Variants in RIMS1 observed in about 807,000 individuals in gnomAD.
RIMS1 encodes regulating synaptic membrane exocytosis 1.
A neutral mutation model predicts 214.1 loss-of-function variants in RIMS1; 83 were observed. The observed-to-expected ratio is 0.39, with a 90% CI of 0.32 to 0.47. The LOEUF (loss-of-function observed/expected upper bound fraction) is 0.47. Ranked by LOEUF, RIMS1 falls within the 20% of genes least tolerant of loss-of-function variation. The probability of loss-of-function intolerance (pLI) is 0.99; values close to 1 mark genes in which losing one functional copy is unlikely to be tolerated. For missense variants in RIMS1, 2,050 were observed against 2,161.8 expected (o/e 0.95, Z 1.03); for synonymous variants, 793 against 786.8 (o/e 1.01, Z -0.13).
chr6:72,004,502 C>A (rs1341311082), intron 2 of RIMS1, among the ~76,000 whole-genome samples: 6 of 151,424 alleles, frequency 4.0e-5, no homozygotes, highest in African/African-American at 1.4e-4. Context: ...TAAAAGTGTT[C>A]CTATTTCTCC....
intron 2 of RIMS1, among the ~76,000 whole-genome samples, chr6:72,084,059 A>G (rs1417162350): frequency 6.6e-6 from 1 of 152,210 alleles, no homozygotes; most frequent in Non-Finnish European, 1.5e-5. Context: ...TGTGCATTCC[A>G]GAAGATGCAA....
At chr6:72,380,212 A>G (rs962821180) in intron 29 of RIMS1, among the ~76,000 whole-genome samples, 16 of 152,182 alleles carry the variant, frequency 1.1e-4, no homozygotes, top group African/African-American at 3.4e-4. Context: ...ACACTTGGAC[A>G]CAGGGTGGGG....
chr6:72,257,360 G>A (rs2076316481), intron 16 of RIMS1, among the ~76,000 whole-genome samples: 1 of 151,194 alleles, frequency 6.6e-6, no homozygotes, highest in Non-Finnish European at 1.5e-5. Flanking sequence ...TTTACTTCAG[G>A]GAAAAAGTGA....
At chr6:72,339,157 C>A (rs1594278198) in intron 29 of RIMS1, among the ~76,000 whole-genome samples, 1 of 151,730 alleles carries the variant, frequency 6.6e-6, no homozygotes, top group Non-Finnish European at 1.5e-5. Context: ...AGAATCATTC[C>A]AAGAGGCTTT....
chr6:72,321,317 A>G (rs2096146651), intron 28 of RIMS1, among the ~76,000 whole-genome samples: 2 of 152,070 alleles, frequency 1.3e-5, no homozygotes, highest in Admixed American at 1.3e-4. Context: ...TGGTCCATAC[A>G]TGATGTAAGT....
chr6:72,392,744 G>A lies in RIMS1; in HGVS notation c.4552G>A (p.Asp1518Asn), dbSNP rs748931244. The A allele has an allele frequency of 6.2e-7, 1 of 1,613,726 alleles. No homozygotes were observed. The highest frequency in any genetic ancestry group is 8.5e-7 in the Non-Finnish European group (1 of 1,179,788). Reference protein sequence around the residue: ...VRLGADSQFSDFLDGLGPAQL... With the variant: ...VRLGADSQFSNFLDGLGPAQL... ...ACTGGGAGCTGACAGTCAATTCAGT[G>A]ATTTTCTTGATGGATTGGGACCAGC... Residue 1518 changes from aspartate (D) to asparagine (N), a missense_variant, in exon 31 of 34, where the codon GAT becomes AAT. Around this residue, in one of 6 missense-constraint regions of RIMS1, gnomAD observed 121 missense variants for 187.3 expected, o/e 0.65. Coordinates refer to ENST00000521978, the MANE Select transcript of RIMS1 (RefSeq NM_014989.7).
intron 23 of RIMS1, among the ~76,000 whole-genome samples, chr6:72,279,439 A>T (rs1388235783): frequency 1.3e-5 from 2 of 152,026 alleles, no homozygotes; most frequent in Non-Finnish European, 2.9e-5. Context: ...TCTTTAGTAC[A>T]TTGTGAACTA....
intron 4 of RIMS1, among the ~76,000 whole-genome samples, chr6:72,171,025 GTC>G (rs2046957707): frequency 6.6e-6 from 1 of 151,978 alleles, no homozygotes; most frequent in African/African-American, 2.4e-5. Context: ...GATATAAGCT[GTC>G]CTAGGTGAGA....
rs760387992 is a variant in RIMS1 at position 72,265,925 on chromosome 6, C to G, written c.3309-35C>G. The G allele has an allele frequency of 4.2e-6, 6 of 1,434,832 alleles. No individual in the cohort carries two copies. In the African/African-American group the frequency reaches 8.5e-5, roughly 20 times the overall value. The allele number at this position is 1,434,832 out of a possible 1,614,324, so 88.9% of individuals were successfully genotyped here. A position where few individuals can be genotyped will look rare whatever the true frequency, so the allele number is the denominator to read the frequency against. On this transcript the variant is annotated intron_variant, in intron 21 of 33. Transcript: ENST00000521978. Reference sequence around the variant, plus strand: ...TCCTTTCTTTGTTTTCTCTGTCTTTCTCTTCTACCACTGGATGCAATGCAC... The same window carrying G: ...TCCTTTCTTTGTTTTCTCTGTCTTTGTCTTCTACCACTGGATGCAATGCAC...
chr6:71,918,536 G>A (rs1167709152), intron 1 of RIMS1, among the ~76,000 whole-genome samples: 1 of 152,184 alleles, frequency 6.6e-6, no homozygotes, highest in Non-Finnish European at 1.5e-5. Context: ...TCCTTTTAAA[G>A]AGTTTGGATG....
chr6:72,059,338 C>G (rs140164071), intron 2 of RIMS1, among the ~76,000 whole-genome samples: 1,832 of 152,268 alleles, frequency 0.012, 17 homozygotes, highest in Middle Eastern at 0.017. Flanking sequence ...GCAATCCTCC[C>G]TCCTCTGCCT....
intron 2 of RIMS1, among the ~76,000 whole-genome samples, chr6:72,030,041 A>G (rs889625853): frequency 7.9e-5 from 12 of 152,230 alleles, no homozygotes; most frequent in Non-Finnish European, 1.8e-4. Context: ...CCAAAGGAAG[A>G]CTAAAGGAAA....
At chr6:72,089,389 T>C (rs1835557605) in intron 2 of RIMS1, among the ~76,000 whole-genome samples, 1 of 152,144 alleles carries the variant, frequency 6.6e-6, no homozygotes, top group South Asian at 2.1e-4. Context: ...CACTAGCCAT[T>C]TGGACAGTAG....
intron 4 of RIMS1, among the ~76,000 whole-genome samples, chr6:72,151,199 T>C (rs1193197261): frequency 6.6e-6 from 1 of 152,058 alleles, no homozygotes; most frequent in African/African-American, 2.4e-5. Context: ...CCCGCCACCA[T>C]GCCTGGCTAA....
intron 1 of RIMS1, among the ~76,000 whole-genome samples, chr6:71,932,924 C>T (rs1035836754): frequency 2.6e-5 from 4 of 152,090 alleles, no homozygotes; most frequent in Non-Finnish European, 5.9e-5. Context: ...TCCTAATATT[C>T]CTTTTTGAAA....
At chr6:72,308,308 G>T (rs965982483) in intron 27 of RIMS1, among the ~76,000 whole-genome samples, 115 of 151,964 alleles carry the variant, frequency 7.6e-4, no homozygotes, top group Admixed American at 7.0e-3. Context: ...TGTTCTTCAT[G>T]AAGTAATTTT....
At chr6:72,151,584 T>C (rs1453604870) in intron 4 of RIMS1, among the ~76,000 whole-genome samples, 1 of 152,218 alleles carries the variant, frequency 6.6e-6, no homozygotes, top group Non-Finnish European at 1.5e-5. Context: ...AGTTCTTCCT[T>C]ATATCAGATG....
chr6:72,097,481 T>C (rs1007536240), intron 3 of RIMS1, among the ~76,000 whole-genome samples: 1 of 152,232 alleles, frequency 6.6e-6, no homozygotes, highest in Non-Finnish European at 1.5e-5. Flanking sequence ...TATAAAACTC[T>C]TGAAAGTTAT....
At chr6:72,278,733 C>T (rs2088206803) in intron 23 of RIMS1, among the ~76,000 whole-genome samples, 1 of 152,022 alleles carries the variant, frequency 6.6e-6, no homozygotes, top group African/African-American at 2.4e-5. Context: ...CAGTCGTATA[C>T]ATAAATATCA....
Sources: allele counts gnomAD v4.1 joint callset (sites outside exome capture counted in the v4.1 genomes callset), GRCh38; gene constraint gnomAD v4.1.1; regional missense constraint gnomAD v4.1.1; transcripts MANE v1.5; gene names NCBI Gene and HGNC (gene_info 2026-07-23, HGNC 2026-07-21).